The following ANTXR1 variants were observed in gnomAD, a reference collection of about 807,000 sequenced individuals.
ANTXR1 encodes the protein anthrax toxin receptor 1.
ANTXR1 carries 19 observed loss-of-function variants against 78.1 expected under a neutral mutation model. The observed-to-expected ratio is 0.24, with a 90% CI of 0.17 to 0.36. The LOEUF (loss-of-function observed/expected upper bound fraction) is 0.36. Among genes scored for constraint, ANTXR1 ranks in the 10% least tolerant of loss-of-function variants. The pLI, the probability that ANTXR1 is intolerant of heterozygous loss-of-function variation, is 1.00. For missense variants in ANTXR1, 518 were observed against 718.6 expected (o/e 0.72, Z 3.19); for synonymous variants, 273 against 260.5 (o/e 1.05, Z -0.46).
At chr2:69,123,248 GTGT>G (rs1672412172) in intron 11 of ANTXR1, among the ~76,000 whole-genome samples, 162 bp downstream of exon 11, 1 of 152,170 alleles carries the variant, frequency 6.6e-6, no homozygotes, top group African/African-American at 2.4e-5. Flanking sequence ...GCCAGGATAA[GTGT>G]TTTACAAAGT....
intron 14 of ANTXR1, among the ~76,000 whole-genome samples, chr2:69,181,398 G>A (rs1674272177): frequency 6.6e-6 from 1 of 152,296 alleles, no homozygotes; most frequent in South Asian, 2.1e-4. Context: ...TTGTTGAGAT[G>A]TTTTTTAGCC....
chr2:69,137,500 G>T (rs1209075100), intron 12 of ANTXR1, among the ~76,000 whole-genome samples: 1 of 152,116 alleles, frequency 6.6e-6, no homozygotes, highest in Non-Finnish European at 1.5e-5. Context: ...CTGGTTCAGT[G>T]AATCCATTTG....
At chr2:69,048,455 G>A (rs570702530) in intron 3 of ANTXR1, among the ~76,000 whole-genome samples, 16 of 152,044 alleles carry the variant, frequency 1.1e-4, no homozygotes, top group Non-Finnish European at 2.4e-4. Flanking sequence ...GGCTGCCATT[G>A]TCCTTTTTAT....
At chr2:69,211,911 C>A (rs1007025293) in intron 17 of ANTXR1, among the ~76,000 whole-genome samples, 1 of 152,178 alleles carries the variant, frequency 6.6e-6, no homozygotes, top group Non-Finnish European at 1.5e-5. Context: ...TCACACCACC[C>A]CCGGCCCAAA....
At chr2:69,171,965 G>A (rs1302860524) in intron 14 of ANTXR1, among the ~76,000 whole-genome samples, 1 of 152,200 alleles carries the variant, frequency 6.6e-6, no homozygotes, top group Non-Finnish European at 1.5e-5. Flanking sequence ...AAAGGGTTAT[G>A]TTAGGCTTAA....
Position 69,170,300 on chromosome 2 carries a change from A to G in ANTXR1, c.1089+11A>G. The stretch of plus-strand genomic sequence containing the variant: ...GCCGAGGAGAGTGAGGTAAGTGACC[A>G]CAGCAGGATGGCAGTGGGTGGGCAG... On this transcript the variant is annotated intron_variant, in intron 14 of 17. Transcript: ENST00000303714. The G allele has an allele frequency of 6.2e-7, 1 of 1,614,038 alleles. No individual in the cohort carries two copies. The highest frequency in any genetic ancestry group is 8.5e-7 in the Non-Finnish European group (1 of 1,180,032).
At chr2:69,037,025 C>T (rs557595824) in intron 1 of ANTXR1, among the ~76,000 whole-genome samples, 1 of 152,342 alleles carries the variant, frequency 6.6e-6, no homozygotes, top group African/African-American at 2.4e-5. Flanking sequence ...TCGTGGGAGA[C>T]TCCAGATGCC....
intron 12 of ANTXR1, among the ~76,000 whole-genome samples, chr2:69,125,227 G>A (rs919637246): frequency 3.3e-5 from 5 of 152,162 alleles, no homozygotes; most frequent in African/African-American, 9.7e-5. Flanking sequence ...AGGCAAGAGC[G>A]GGGACTGCAT....
At position 69,196,164 on chromosome 2, in the gene ANTXR1, T is replaced by C. The variant is rs902371087; in HGVS notation, c.1434+2749T>C. 2.4e-4 allele frequency among the ~76,000 whole-genome samples: 36 copies of C among 152,260 alleles called. 1 individual carries two copies. Among genetic ancestry groups the C allele is most frequent in the Admixed American group, 2.0e-3 (30 of 15,290 alleles). On this transcript the variant is annotated intron_variant, in intron 17 of 17. Transcript: ENST00000303714. ...CTGAATGAAAGTTTGTATTAACAGC[T>C]GAAGATGTTCCATCTGTTTTTGAGA...
chr2:69,162,406 TGA>T (rs1465981920), intron 13 of ANTXR1, among the ~76,000 whole-genome samples: 1 of 152,218 alleles, frequency 6.6e-6, no homozygotes, highest in Non-Finnish European at 1.5e-5. Flanking sequence ...TCATAACCTC[TGA>T]GAGGTCTAGA....
chr2:69,066,968 G>C (rs1442181233), intron 3 of ANTXR1, among the ~76,000 whole-genome samples: 3 of 152,074 alleles, frequency 2.0e-5, no homozygotes, highest in African/African-American at 7.2e-5. Context: ...TCCTCAGAGA[G>C]GTTCTTATCA....
intron 12 of ANTXR1, among the ~76,000 whole-genome samples, chr2:69,130,845 A>G (rs1672719303): frequency 6.6e-6 from 1 of 152,222 alleles, no homozygotes; most frequent in Admixed American, 6.5e-5. Context: ...TTTTAGGAGC[A>G]GGCTGGAAAA....
chr2:69,188,029 C>A (rs1674462263), intron 16 of ANTXR1, among the ~76,000 whole-genome samples: 1 of 112,826 alleles, frequency 8.9e-6, no homozygotes, highest in African/African-American at 4.3e-5. Context: ...ACAACTGCTG[C>A]CTGGCAAAAA....
intron 13 of ANTXR1, among the ~76,000 whole-genome samples, chr2:69,161,259 C>T (rs1401497668): frequency 1.3e-5 from 2 of 152,170 alleles, no homozygotes; most frequent in Non-Finnish European, 2.9e-5. Context: ...GTCCCTTAGG[C>T]CCTGTGGACT....
intron 16 of ANTXR1, among the ~76,000 whole-genome samples, chr2:69,191,590 A>T (rs1238571149): frequency 6.6e-6 from 1 of 152,130 alleles, no homozygotes; most frequent in Non-Finnish European, 1.5e-5. Context: ...ACTGAGATAA[A>T]TTTTTCACAA....
chr2:69,143,734 A>G (rs1673136609), intron 12 of ANTXR1, among the ~76,000 whole-genome samples: 2 of 152,208 alleles, frequency 1.3e-5, no homozygotes. Flanking sequence ...AATGGTGTAT[A>G]TATCTCCACA....
At chr2:69,207,713 G>A (rs573739978) in intron 17 of ANTXR1, among the ~76,000 whole-genome samples, 7 of 152,204 alleles carry the variant, frequency 4.6e-5, no homozygotes, top group African/African-American at 9.6e-5. Flanking sequence ...TGGGACCTCC[G>A]CTGGCAACAC....
chr2:69,079,404 C>G (rs10205391), intron 8 of ANTXR1, among the ~76,000 whole-genome samples: 108,056 of 151,984 alleles, frequency 0.71, 38,984 homozygotes, highest in African/African-American at 0.82. Flanking sequence ...GAGAAGGCAG[C>G]GCAGACCCGA....
At position 69,182,384 on chromosome 2, in the gene ANTXR1, C is replaced by T. The variant is rs1674296660; in HGVS notation, c.1186-109C>T. On this transcript the variant is annotated intron_variant, in intron 15 of 17. Coordinates refer to ENST00000303714, the MANE Select transcript of ANTXR1 (RefSeq NM_032208.3). Reference sequence around the variant, plus strand: ...CCTGGCCCTCAAAACCCAAAGGAATCCAGGGTTGGGTAGCATTCACATTGC... The same window carrying T: ...CCTGGCCCTCAAAACCCAAAGGAATTCAGGGTTGGGTAGCATTCACATTGC... The T allele has an allele frequency of 1.6e-5, 21 of 1,345,902 alleles. No individual in the cohort carries two copies. The South Asian group carries it at 2.5e-4, about 16-fold the overall frequency. 83.4% of individuals were successfully genotyped at this position (1,345,902 alleles called of 1,614,324 possible).
Sources: gnomAD v4.1 joint callset for allele counts (sites outside exome capture counted in the v4.1 genomes callset) on GRCh38, gnomAD v4.1.1 for gene constraint, MANE v1.5 for transcripts, NCBI Gene and HGNC (gene_info 2026-07-23, HGNC 2026-07-21) for gene names.